The following FHL1 variants were observed in gnomAD, a reference collection of about 807,000 sequenced individuals.
The protein encoded by FHL1 is four and a half LIM domains 1.
A neutral mutation model predicts 20.3 loss-of-function variants in FHL1; 1 was observed. The ratio of observed to expected loss-of-function variants is 0.05; its 90% CI spans 0.02 to 0.23. FHL1 has a LOEUF of 0.23. Ranked by LOEUF, FHL1 falls within the 10% of genes least tolerant of loss-of-function variation. FHL1 has a pLI of 1.00. For synonymous variants in FHL1, 82 were observed against 88.9 expected (o/e 0.92, Z 0.44); for missense variants, 177 against 234.0 (o/e 0.76, Z 1.59).
chrX:136,181,768 T>C (rs1603257381), intron 2 of FHL1, among the ~76,000 whole-genome samples: 1 of 112,412 alleles, frequency 8.9e-6, no homozygotes, highest in East Asian at 2.8e-4. Flanking sequence ...AAAGTTGAAA[T>C]GACTTTGCAG....
chrX:136,181,319 G>A (rs1437294371), intron 2 of FHL1, among the ~76,000 whole-genome samples: 2 of 111,331 alleles, frequency 1.8e-5, no homozygotes, highest in Non-Finnish European at 3.8e-5. Flanking sequence ...GCAAACAGAC[G>A]AGTATCTGCT....
rs1177132866 is a variant in FHL1, at chrX:136,206,411, C to T, written c.27C>T (p.Pro9=). 9 of 1,210,576 alleles carry T rather than the reference C, an allele frequency of 7.4e-6. No homozygotes were observed. Residue 9 remains proline, a synonymous_variant, in exon 2 of 6, where the codon CCC becomes CCT. Coordinates refer to ENST00000370683, the MANE Select transcript of FHL1 (RefSeq NM_001159699.2). ...CCTGTCTGCTTGCCCCCGCAGGTCC[C>T]TCCAGCTACAAGGTGGGCACCATGG... is the stretch of plus-strand genomic sequence containing the variant. The part of the protein sequence containing the change: MASHRHSG[P]SSYKVGTMAE...
chrX:136,158,854 C>T (rs777882582), intron 1 of FHL1, among the ~76,000 whole-genome samples: 3 of 111,229 alleles, frequency 2.7e-5, no homozygotes, highest in African/African-American at 6.5e-5. Context: ...TAAAATTGTC[C>T]TGAGATAAGG....
intron 2 of FHL1, among the ~76,000 whole-genome samples, chrX:136,184,448 CTTA>C (rs971395066): frequency 8.8e-4 from 98 of 111,643 alleles, no homozygotes; most frequent in African/African-American, 2.9e-3. Flanking sequence ...ATGGAGCTTG[CTTA>C]TTATACATTT....
At chrX:136,206,242 G>T in intron 1 of FHL1, 165 bp from the exon 2 acceptor site, 2 of 593,818 alleles carry the variant, frequency 3.4e-6, no homozygotes, top group Non-Finnish European at 2.8e-6. Context: ...TGAAGTATCT[G>T]TTGTCTTGGT....
At chrX:136,170,018 CT>C (rs1326786436) in intron 2 of FHL1, 1 of 329,791 alleles carries the variant, frequency 3.0e-6, no homozygotes. Flanking sequence ...TTACACTGAT[CT>C]CCAACCTTCT....
chrX:136,183,109 CAAAA>C (rs1289790207), intron 2 of FHL1, among the ~76,000 whole-genome samples: 1 of 94,157 alleles, frequency 1.1e-5, no homozygotes, highest in Non-Finnish European at 2.2e-5. Flanking sequence ...AAAAAAAAAA[CAAAA>C]AACAAACAAA....
At chrX:136,193,955 C>A (rs781172421), upstream of FHL1, among the ~76,000 whole-genome samples, 17 of 108,312 alleles carry the variant, frequency 1.6e-4, no homozygotes, top group African/African-American at 5.4e-4. Context: ...CACACCCCAA[C>A]CCCCCCCAGC....
rs1196240768 is a variant in FHL1 at position 136,211,114 on chromosome X, AATCTGGATTTCC to A, written c.*1091_*1102del. On this transcript the variant is annotated 3_prime_UTR_variant, in exon 6 of 6. Coordinates refer to ENST00000370683, the MANE Select transcript of FHL1 (RefSeq NM_001159699.2). ...TTCCTAGGACTTTTCCTCAAGAGGA[AATCTGGATTTCC>A]ACCTACCGCTTACCTGAAATGCAGG... 3.5e-5 allele frequency: 13 copies of A among 373,784 alleles called. No homozygotes were observed. Among genetic ancestry groups the A allele is most frequent in the Non-Finnish European group, 6.1e-5 (12 of 197,661 alleles). The allele number at this position is 373,784 out of a possible 1,213,427, so 30.8% of individuals were successfully genotyped here.
intron 2 of FHL1, 150 bp downstream of exon 2, chrX:136,206,738 C>A: frequency 1.3e-6 from 1 of 794,514 alleles, no homozygotes; most frequent in Non-Finnish European, 1.9e-6. Flanking sequence ...ACTCCCCAGG[C>A]CACAGTGGCC....
intron 1 of FHL1, chrX:136,147,728 CGCCGCT>C (rs1440578602): frequency 9.1e-6 from 1 of 109,447 alleles, no homozygotes; most frequent in Non-Finnish European, 1.9e-5. Context: ...CCGCCGCCGC[CGCCGCT>C]CGGGGCTGGT....
intron 1 of FHL1, chrX:136,148,474 G>A (rs2072171067): frequency 9.1e-6 from 1 of 109,409 alleles, no homozygotes; most frequent in African/African-American, 3.3e-5. Flanking sequence ...TCTATCACGG[G>A]GGTTGAGCCT....
At chrX:136,195,693 C>G, upstream of FHL1, among the ~76,000 whole-genome samples, 1 of 112,179 alleles carries the variant, frequency 8.9e-6, no homozygotes, top group Non-Finnish European at 1.9e-5. Context: ...AATTGGGGAA[C>G]TCATTCATTC....
At chrX:136,159,332 A>G (rs1460749794) in intron 1 of FHL1, among the ~76,000 whole-genome samples, 2 of 110,772 alleles carry the variant, frequency 1.8e-5, no homozygotes, top group Non-Finnish European at 3.8e-5. Context: ...ACTTAAGGCC[A>G]GGAGTTTGAG....
At chrX:136,193,777 G>A (rs142087728), upstream of FHL1, among the ~76,000 whole-genome samples, 1,439 of 110,054 alleles carry the variant, frequency 0.013, 9 homozygotes, top group Non-Finnish European at 0.021. Context: ...GCATTACCCT[G>A]TGCTGTCTTC....
intron 4 of FHL1, 21 bp from the exon 5 acceptor site, chrX:136,208,434 G>T: frequency 8.3e-7 from 1 of 1,210,467 alleles, no homozygotes; most frequent in Non-Finnish European, 1.1e-6. Context: ...TCTGAATCCG[G>T]TGCTACACTC....
upstream of FHL1, among the ~76,000 whole-genome samples, chrX:136,192,030 G>T (rs969098714): frequency 3.6e-5 from 4 of 112,173 alleles, no homozygotes; most frequent in African/African-American, 1.3e-4. Flanking sequence ...AACTGGAAGA[G>T]AATTTTAACA....
At chrX:136,150,253 C>G (rs1032974822) in intron 1 of FHL1, among the ~76,000 whole-genome samples, 2 of 112,240 alleles carry the variant, frequency 1.8e-5, no homozygotes, top group African/African-American at 6.5e-5. Context: ...ACCCTCACCT[C>G]TAAAGTTTGA....
rs764567944 is a variant in FHL1 at position 136,207,095 on chromosome X, C to A, written c.284C>A (p.Thr95Asn). The change falls in exon 3 of 6, where the codon ACC becomes AAC. Residue 95 changes from threonine to asparagine, a missense_variant. By Grantham distance (65) the Thr-to-Asn change is moderately conservative. Transcript: ENST00000370683. ...AKCLHPLANE[T>N]FVAKDNKILC... ...TGCCTTCACCCCTTGGCCAATGAGA[C>A]CTTTGTGGCCAAGGACAACAAGATC... is the stretch of plus-strand genomic sequence containing the variant. 4.1e-6 allele frequency: 5 copies of A among 1,211,754 alleles called. No individual in the cohort carries two copies. The Admixed American group carries it at 1.1e-4, about 26-fold the overall frequency.
Sources: gnomAD v4.1 joint callset for allele counts (sites outside exome capture counted in the v4.1 genomes callset) on GRCh38, gnomAD v4.1.1 for gene constraint, MANE v1.5 for transcripts, NCBI Gene and HGNC (gene_info 2026-07-23, HGNC 2026-07-21) for gene names.